Variants in CLCN3 observed in about 807,000 individuals in gnomAD.
CLCN3 encodes the protein Cl-/H+ antiporter 3.
A neutral mutation model predicts 83.4 loss-of-function variants in CLCN3; 16 were observed. The ratio of observed to expected loss-of-function variants is 0.19; its 90% confidence interval spans 0.13 to 0.29. CLCN3 has a LOEUF of 0.29. Ranked by LOEUF, CLCN3 falls within the 10% of genes least tolerant of loss-of-function variation. CLCN3 has a pLI of 1.00. For synonymous variants in CLCN3, 322 were observed against 346.2 expected (o/e 0.93, Z 0.78); for missense variants, 544 against 1,006.0 (o/e 0.54, Z 6.21).
At chr4:169,702,320 G>A (rs1732820538) in intron 9 of CLCN3, among the ~76,000 whole-genome samples, 1 of 152,130 alleles carries the variant, frequency 6.6e-6, no homozygotes, top group Non-Finnish European at 1.5e-5. Flanking sequence ...CATAGGAAAT[G>A]CATTTCTTCA....
At chr4:169,639,665 G>A (rs1301340232) in intron 2 of CLCN3, among the ~76,000 whole-genome samples, 1 of 152,180 alleles carries the variant, frequency 6.6e-6, no homozygotes, top group African/African-American at 2.4e-5. Context: ...CTTGGAAGAA[G>A]TTGGAGCCTC....
In CLCN3 at chr4:169,722,673, A is replaced by G. The variant is rs1018263652; in HGVS notation, c.*2676A>G. 2 of 152,122 alleles carry G rather than the reference A, an allele frequency of 1.3e-5. No homozygotes were observed. The highest frequency in any genetic ancestry group is 4.8e-5 in the African/African-American group (2 of 41,420). 9.4% of individuals were successfully genotyped at this position (152,122 alleles called of 1,614,324 possible). A position where few individuals can be genotyped will look rare whatever the true frequency, so the allele number is the denominator to read the frequency against. ...TGCCCATCTTGCTTCAGAGACTGAC[A>G]TTTCAGGGTGGATATTAATTAAAGC... is the stretch of plus-strand genomic sequence containing the variant. On this transcript the variant is annotated 3_prime_UTR_variant, in exon 13 of 13. Coordinates refer to ENST00000513761, the MANE Select transcript of CLCN3 (RefSeq NM_001829.4).
At chr4:169,686,711 G>A (rs1732173422) in intron 3 of CLCN3, among the ~76,000 whole-genome samples, 1 of 152,116 alleles carries the variant, frequency 6.6e-6, no homozygotes, top group South Asian at 2.1e-4. Context: ...CACCACACCT[G>A]GCCAAAAATA....
chr4:169,633,836 A>G (rs985583319), intron 1 of CLCN3, among the ~76,000 whole-genome samples: 1 of 152,182 alleles, frequency 6.6e-6, no homozygotes, highest in African/African-American at 2.4e-5. Flanking sequence ...GGTATTTTAC[A>G]CTTAGAGCAC....
intron 2 of CLCN3, among the ~76,000 whole-genome samples, chr4:169,672,017 C>G (rs1731477684): frequency 6.6e-6 from 1 of 152,014 alleles, no homozygotes; most frequent in South Asian, 2.1e-4. Flanking sequence ...TGAGACCATC[C>G]TGGCTAACAC....
At chr4:169,714,477 A>G (rs1733349902) in intron 12 of CLCN3, among the ~76,000 whole-genome samples, 1 of 152,174 alleles carries the variant, frequency 6.6e-6, no homozygotes, top group Non-Finnish European at 1.5e-5. Flanking sequence ...TGTAGTAATT[A>G]AAGCTCAAGA....
intron 2 of CLCN3, among the ~76,000 whole-genome samples, chr4:169,656,929 A>G (rs991126138): frequency 1.1e-4 from 16 of 152,218 alleles, no homozygotes; most frequent in Non-Finnish European, 2.9e-5. Context: ...CGTTGGAGTG[A>G]GACCCTGTCT....
rs1240256113 is a variant in CLCN3, at chr4:169,713,094, A to G, written c.2165A>G (p.Lys722Arg). ...LTIAIESARKKQEGIVGSSRV... is the reference protein window; with the variant it reads ...LTIAIESARKRQEGIVGSSRV... Reference sequence around the variant, plus strand: ...CTCTTTTCAGAAAGTGCCAGGAAAAAACAAGAAGGTATCGTTGGCAGTTCT... The same window carrying G: ...CTCTTTTCAGAAAGTGCCAGGAAAAGACAAGAAGGTATCGTTGGCAGTTCT... The change falls in exon 12 of 13, where the codon AAA becomes AGA. Residue 722 changes from lysine (K) to arginine (R), a missense_variant. Coordinates refer to ENST00000513761, the MANE Select transcript of CLCN3 (RefSeq NM_001829.4). 18 of 1,614,058 alleles carry G rather than the reference A, an allele frequency of 1.1e-5. No homozygotes were observed. The highest frequency in any genetic ancestry group is 1.5e-5 in the Non-Finnish European group (18 of 1,179,942).
chr4:169,706,833 G>T, intron 10 of CLCN3, 35 bp from the exon 11 acceptor site: 1 of 1,569,940 alleles, frequency 6.4e-7, no homozygotes, highest in Admixed American at 1.8e-5. Flanking sequence ...TGAGGATCCT[G>T]TCCTTCCTGA....
At chr4:169,632,508 T>A (rs1773398692) in intron 1 of CLCN3, among the ~76,000 whole-genome samples, 1 of 151,940 alleles carries the variant, frequency 6.6e-6, no homozygotes, top group Admixed American at 6.5e-5. Flanking sequence ...GGCGGGCGGA[T>A]CACGAGGTCA....
intron 2 of CLCN3, among the ~76,000 whole-genome samples, chr4:169,645,219 A>G (rs1187952561): frequency 1.3e-5 from 2 of 152,222 alleles, no homozygotes; most frequent in East Asian, 1.9e-4. Context: ...ATTCTAAGAT[A>G]AGCTAGCTGC....
At chr4:169,657,939 T>A (rs1477441835) in intron 2 of CLCN3, among the ~76,000 whole-genome samples, 1 of 152,166 alleles carries the variant, frequency 6.6e-6, no homozygotes, top group Non-Finnish European at 1.5e-5. Context: ...TGCCACATCT[T>A]CCAGTCTACC....
At chr4:169,706,365 G>A (rs555226793) in intron 10 of CLCN3, among the ~76,000 whole-genome samples, 3 of 152,050 alleles carry the variant, frequency 2.0e-5, no homozygotes, top group Admixed American at 6.5e-5. Flanking sequence ...TACTTGCATC[G>A]TTAATGTAAA....
intron 2 of CLCN3, among the ~76,000 whole-genome samples, chr4:169,657,050 A>C (rs1358599856): frequency 6.6e-6 from 1 of 152,166 alleles, no homozygotes; most frequent in Non-Finnish European, 1.5e-5. Flanking sequence ...CACTTACTTT[A>C]ATTAATTATC....
intron 1 of CLCN3, among the ~76,000 whole-genome samples, chr4:169,633,304 C>T (rs1432429544): frequency 2.6e-5 from 4 of 152,226 alleles, no homozygotes; most frequent in Admixed American, 2.0e-4. Flanking sequence ...CGCCACCACA[C>T]CCAGCTTATC....
chr4:169,717,973 ATATCCTAC>A (rs201196035), intron 12 of CLCN3: 10,035 of 644,048 alleles, frequency 0.016, 109 homozygotes, highest in Non-Finnish European at 0.02. Flanking sequence ...CTGAACAAAA[ATATCCTAC>A]TATGCTGCCA....
intron 2 of CLCN3, among the ~76,000 whole-genome samples, chr4:169,665,449 C>T (rs557144099): frequency 1.3e-5 from 2 of 152,254 alleles, no homozygotes; most frequent in South Asian, 4.1e-4. Flanking sequence ...TAATTGACCA[C>T]CTGCTAAATG....
chr4:169,675,584 C>A (rs1249636996), intron 2 of CLCN3, among the ~76,000 whole-genome samples: 1 of 151,946 alleles, frequency 6.6e-6, no homozygotes, highest in African/African-American at 2.4e-5. Flanking sequence ...TCAATAATAA[C>A]CTCTGAGTAA....
intron 2 of CLCN3, among the ~76,000 whole-genome samples, chr4:169,652,430 T>C (rs1266238834): frequency 6.6e-6 from 1 of 152,224 alleles, no homozygotes; most frequent in Admixed American, 6.5e-5. Context: ...CAATGTGGCT[T>C]TCAAGAATCA....
Sources: gnomAD v4.1 joint callset for allele counts (sites outside exome capture counted in the v4.1 genomes callset) on GRCh38, gnomAD v4.1.1 for gene constraint, MANE v1.5 for transcripts, NCBI Gene and HGNC (gene_info 2026-07-23, HGNC 2026-07-21) for gene names.